SV2B: variants seen among roughly 807,000 people sequenced by gnomAD.
SV2B encodes the protein solute carrier family 22 member B2.
Under a neutral mutation model 73.9 loss-of-function variants are expected in SV2B, and 41 were observed. That is an observed-to-expected ratio of 0.56 (90% CI 0.43 to 0.72). SV2B has a LOEUF of 0.72. SV2B is among the 30% of genes least tolerant of loss of function. The probability of loss-of-function intolerance (pLI) is 0.00; values close to 1 mark genes in which losing one functional copy is unlikely to be tolerated. For missense variants in SV2B, 764 were observed against 857.8 expected, an observed-to-expected ratio of 0.89 and a Z score of 1.37; for synonymous variants, 314 against 314.2, an observed-to-expected ratio of 1.00 and a Z score of 0.01.
At chr15:91,107,297 G>GTTTGTTTA (rs140617996) in intron 1 of SV2B, among the ~76,000 whole-genome samples, 9,935 of 145,694 alleles carry the variant, frequency 0.068, 395 homozygotes, top group Middle Eastern at 0.11. Context: ...TTATTTGTTT[G>GTTTGTTTA]TTTATTTATT....
rs2046921707 is a variant in SV2B, at chr15:91,239,539, C to T, written c.452-12280C>T. 2.0e-5 allele frequency among the ~76,000 whole-genome samples: 3 copies of T among 152,246 alleles called. No homozygotes were observed. In the South Asian group the frequency reaches 6.2e-4, roughly 32 times the overall value. On this transcript the variant is annotated intron_variant, in intron 2 of 12. Coordinates refer to ENST00000394232, the MANE Select transcript of SV2B (RefSeq NM_001323032.3). The surrounding 1 kb of genome is among the most constrained non-coding windows in gnomAD (Gnocchi z 5.1). Reference sequence around the variant, plus strand: ...AAGGAGAAAGTGACTTGGTCAAGGTCATATACTCTCAGACCAGAATCTGGG... The same window carrying T: ...AAGGAGAAAGTGACTTGGTCAAGGTTATATACTCTCAGACCAGAATCTGGG...
At chr15:91,191,254 T>C (rs2045017137) in intron 1 of SV2B, among the ~76,000 whole-genome samples, 1 of 151,756 alleles carries the variant, frequency 6.6e-6, no homozygotes, top group South Asian at 2.1e-4. Context: ...TTAGTTTCAA[T>C]TGACAAAAAC....
In SV2B at chr15:91,121,131, AT is replaced by A. The variant is rs11424510; in HGVS notation, c.-392+20777del. On this transcript the variant is annotated intron_variant, in intron 1 of 12. Coordinates refer to ENST00000394232, the MANE Select transcript of SV2B (RefSeq NM_001323032.3). This position sits in a 1 kb window ranked among gnomAD's most constrained non-coding sequence, Gnocchi z 4.4. ...TGGTCTTATGTTAGTAACTCGTTTCATTTTTTTTTCTCTTTGAAATAAAAAA... is the reference window on the plus strand; with the variant it reads ...TGGTCTTATGTTAGTAACTCGTTTCATTTTTTTTCTCTTTGAAATAAAAAA... 5.0e-3 allele frequency among the ~76,000 whole-genome samples: 755 copies of A among 151,222 alleles called. 7 individuals carry two copies. Among genetic ancestry groups the A allele is most frequent in the African/African-American group, 0.017 (720 of 41,210 alleles).
At position 91,100,684 on chromosome 15, in the gene SV2B, C is replaced by T. The variant is rs2041698275; in HGVS notation, c.-392+321C>T. ...GTCAGGCTGCTGGCATTTATAGCTC[C>T]GTTTCCATAAGCTTCCTAGCCGCTG... On this transcript the variant is annotated intron_variant, in intron 1 of 12. Coordinates refer to ENST00000394232, the MANE Select transcript of SV2B (RefSeq NM_001323032.3). The surrounding 1 kb of genome is among the most constrained non-coding windows in gnomAD (Gnocchi z 6.4). Among the ~76,000 whole-genome samples the T allele has an allele frequency of 1.3e-5, 2 of 152,224 alleles. No individual in the cohort carries two copies. Among genetic ancestry groups the T allele is most frequent in the South Asian group, 2.1e-4 (1 of 4,832 alleles).
intron 1 of SV2B, among the ~76,000 whole-genome samples, chr15:91,187,478 T>C (rs1446695758): frequency 6.6e-6 from 1 of 152,204 alleles, no homozygotes; most frequent in Non-Finnish European, 1.5e-5. Context: ...TGCTCCTGCT[T>C]ATGAAATCAG....
intron 1 of SV2B, among the ~76,000 whole-genome samples, chr15:91,203,942 C>A (rs993027519): frequency 6.6e-6 from 1 of 152,172 alleles, no homozygotes; most frequent in African/African-American, 2.4e-5. Flanking sequence ...AAATAGGAAA[C>A]CTTCTTGCCT....
At position 91,121,621 on chromosome 15, in the gene SV2B, A is replaced by G. The variant is rs1435863679; in HGVS notation, c.-392+21258A>G. ...GCACCCATTAGCTGGAAGGGAAGAA[A>G]GCAGAGTTGGCTTAGAGATGAATGC... On this transcript the variant is annotated intron_variant, in intron 1 of 12. Transcript: ENST00000394232. This position sits in a 1 kb window ranked among gnomAD's most constrained non-coding sequence, Gnocchi z 4.4. 6.6e-6 allele frequency among the ~76,000 whole-genome samples: 1 copy of G among 152,144 alleles called. No individual in the cohort carries two copies. The highest frequency in any genetic ancestry group is 1.5e-5 in the Non-Finnish European group (1 of 68,030).
In SV2B at chr15:91,136,410, C is replaced by T. The variant is rs746146047; in HGVS notation, c.-392+36047C>T. Among the ~76,000 whole-genome samples the T allele has an allele frequency of 1.7e-4, 26 of 152,148 alleles. No individual in the cohort carries two copies. Among genetic ancestry groups the T allele is most frequent in the Non-Finnish European group, 3.7e-4 (25 of 68,032 alleles). ...TCTCTAGGGGCCTTAGGTATATTCTCGGAGAGAGAACCTTTATTTACCCGT... is the reference window on the plus strand; with the variant it reads ...TCTCTAGGGGCCTTAGGTATATTCTTGGAGAGAGAACCTTTATTTACCCGT... On this transcript the variant is annotated intron_variant, in intron 1 of 12. Coordinates refer to ENST00000394232, the MANE Select transcript of SV2B (RefSeq NM_001323032.3). This position sits in a 1 kb window ranked among gnomAD's most constrained non-coding sequence, Gnocchi z 5.6.
At chr15:91,274,266 A>G (rs2048410501) in intron 9 of SV2B, among the ~76,000 whole-genome samples, 1 of 152,234 alleles carries the variant, frequency 6.6e-6, no homozygotes, top group Non-Finnish European at 1.5e-5. Flanking sequence ...AAGGGATTGC[A>G]TTAATTTGCA....
rs1328576168 is a variant in SV2B, at chr15:91,140,777, C to A, written c.-392+40414C>A. Among the ~76,000 whole-genome samples, 1 of 152,106 alleles carries A rather than the reference C, an allele frequency of 6.6e-6. No individual in the cohort carries two copies. Among genetic ancestry groups the A allele is most frequent in the Admixed American group, 6.6e-5 (1 of 15,262 alleles). Reference sequence around the variant, plus strand: ...GCTTCTGTTTGTCTTGAAGAAGTTTCTGGCATGGCTCAGTGGCTGTTTATC... The same window carrying A: ...GCTTCTGTTTGTCTTGAAGAAGTTTATGGCATGGCTCAGTGGCTGTTTATC... On this transcript the variant is annotated intron_variant, in intron 1 of 12. Transcript: ENST00000394232. This position sits in a 1 kb window ranked among gnomAD's most constrained non-coding sequence, Gnocchi z 4.4.
At position 91,290,843 on chromosome 15, in the gene SV2B, C is replaced by T. The variant is rs1008032312; in HGVS notation, c.1868+1163C>T. ...CTGGGCAATACAGTGAGACCCCTATCTCTACAGAATATATTAGACAATTAG... is the reference window on the plus strand; with the variant it reads ...CTGGGCAATACAGTGAGACCCCTATTTCTACAGAATATATTAGACAATTAG... On this transcript the variant is annotated intron_variant, in intron 12 of 12. Transcript: ENST00000394232. This position sits in a 1 kb window ranked among gnomAD's most constrained non-coding sequence, Gnocchi z 4.7. Among the ~76,000 whole-genome samples the T allele has an allele frequency of 2.6e-5, 4 of 151,972 alleles. No individual in the cohort carries two copies. The highest frequency in any genetic ancestry group is 1.5e-5 in the Non-Finnish European group (1 of 68,000).
At chr15:91,208,510 G>T (rs1043900514) in intron 1 of SV2B, among the ~76,000 whole-genome samples, 9 of 152,204 alleles carry the variant, frequency 5.9e-5, no homozygotes, top group Non-Finnish European at 1.2e-4. Context: ...CAAGACTCCG[G>T]ATGACAGCAG....
At chr15:91,131,196 C>A (rs963258500) in intron 1 of SV2B, among the ~76,000 whole-genome samples, 1 of 141,674 alleles carries the variant, frequency 7.1e-6, no homozygotes, top group Non-Finnish European at 1.5e-5. Flanking sequence ...CACTTTGTTG[C>A]CCAGGCTAGT....
intron 1 of SV2B, among the ~76,000 whole-genome samples, chr15:91,148,497 A>T (rs1189150133): frequency 6.6e-6 from 1 of 152,116 alleles, no homozygotes; most frequent in East Asian, 1.9e-4. Flanking sequence ...CCAGAAGCAG[A>T]TCCTGAAACA....
At chr15:91,111,186 C>T (rs2042025562) in intron 1 of SV2B, among the ~76,000 whole-genome samples, 1 of 152,160 alleles carries the variant, frequency 6.6e-6, no homozygotes, top group African/African-American at 2.4e-5. Context: ...CTGTCAGAGG[C>T]CGGGCTAGTC....
intron 1 of SV2B, among the ~76,000 whole-genome samples, chr15:91,102,493 AG>A (rs145840541): frequency 0.011 from 1,685 of 152,350 alleles, 43 homozygotes; most frequent in African/African-American, 0.039. Flanking sequence ...TAGGTGCTCA[AG>A]AAATGGCAGT....
chr15:91,223,575 A>G lies in SV2B; in HGVS notation c.-391-2298A>G, dbSNP rs1400214885. ...TTCACGACGTTGTTATAGGGCCCCC[A>G]GGATGGAAATAACACACCAGATCTC... On this transcript the variant is annotated intron_variant, in intron 1 of 12. Transcript: ENST00000394232. This position sits in a 1 kb window ranked among gnomAD's most constrained non-coding sequence, Gnocchi z 4.6. Among the ~76,000 whole-genome samples, 1 of 152,214 alleles carries G rather than the reference A, an allele frequency of 6.6e-6. No individual in the cohort carries two copies. Among genetic ancestry groups the G allele is most frequent in the East Asian group, 1.9e-4 (1 of 5,202 alleles).
At chr15:91,164,589 A>C (rs2043843595) in intron 1 of SV2B, among the ~76,000 whole-genome samples, 1 of 152,224 alleles carries the variant, frequency 6.6e-6, no homozygotes, top group African/African-American at 2.4e-5. Context: ...TTACATTAAC[A>C]TCTGGATTCA....
Position 91,251,991 on chromosome 15 carries a change from A to T in SV2B, c.624A>T (p.Ser208=). Residue 208 remains serine, a synonymous_variant, in exon 3 of 13, where the codon TCA becomes TCT. Coordinates refer to ENST00000394232, the MANE Select transcript of SV2B (RefSeq NM_001323032.3). ...YGAFLFCRLI[S]GIGIGGALPI... Reference sequence around the variant, plus strand: ...CCTTCCTCTTCTGCCGACTCATCTCAGGCATCGGGTATGTTCTTAGGGAGG... The same window carrying T: ...CCTTCCTCTTCTGCCGACTCATCTCTGGCATCGGGTATGTTCTTAGGGAGG... 6.2e-7 allele frequency: 1 copy of T among 1,613,986 alleles called. No homozygotes were observed. The highest frequency in any genetic ancestry group is 8.5e-7 in the Non-Finnish European group (1 of 1,179,958).
Sources: gnomAD v4.1 joint callset for allele counts (sites outside exome capture counted in the v4.1 genomes callset) on GRCh38, gnomAD v4.1.1 for gene constraint, Gnocchi (gnomAD v3.1) non-coding constraint, MANE v1.5 for transcripts, NCBI Gene and HGNC (gene_info 2026-07-23, HGNC 2026-07-21) for gene names.